The following PUS3 variants were observed in gnomAD, a reference collection of about 807,000 sequenced individuals.
PUS3 encodes the protein pseudouridine synthase 3, also known as tRNA pseudouridine(38/39) synthase.
Under a neutral mutation model 43.3 loss-of-function variants are expected in PUS3, and 36 were observed. The ratio of observed to expected loss-of-function variants is 0.83; its 90% CI spans 0.64 to 1.10. PUS3 has a LOEUF of 1.10. PUS3 is among the 50% of genes least tolerant of loss of function. The pLI, the probability that PUS3 is intolerant of heterozygous loss-of-function variation, is 0.00. For missense variants in PUS3, 544 were observed against 589.9 expected (o/e 0.92, Z 0.81); for synonymous variants, 183 against 199.2 (o/e 0.92, Z 0.69).
At chr11:125,902,505 T>C (rs1200548307) in intron 1 of PUS3, among the ~76,000 whole-genome samples, 1 of 149,938 alleles carries the variant, frequency 6.7e-6, no homozygotes. Flanking sequence ...TCCCAGCTAG[T>C]TGGAGGCTGA....
At chr11:125,896,614 A>G (rs796270904) in intron 1 of PUS3, among the ~76,000 whole-genome samples, 1 of 152,210 alleles carries the variant, frequency 6.6e-6, no homozygotes, top group South Asian at 2.1e-4. Context: ...TCATTTCTCT[A>G]TCTTCACTGA....
chr11:125,901,051 A>T (rs1343004543), intron 1 of PUS3, among the ~76,000 whole-genome samples: 1 of 152,024 alleles, frequency 6.6e-6, no homozygotes, highest in African/African-American at 2.4e-5. Context: ...CCTGCCTTTT[A>T]CATAGTCCTA....
Position 125,894,105 on chromosome 11 carries a change from A to C in PUS3, c.1126T>G (p.Cys376Gly). The change falls in exon 4 of 4, where the codon TGT (cysteine) becomes GGT (glycine). Residue 376 changes from cysteine (C) to glycine (G), a missense_variant. Physicochemically the swap from Cys to Gly is radical, Grantham distance 159. Transcript: ENST00000227474. ...CCATCCATCTTTGGTCCTATTCCAC[A>C]GGGTACTGGAACAGTGTCCAGTCCT... ...LQGLDTVPVP[C>G]GIGPKMDGMT... The C allele has an allele frequency of 6.2e-7, 1 of 1,614,120 alleles. No homozygotes were observed. The highest frequency in any genetic ancestry group is 8.5e-7 in the Non-Finnish European group (1 of 1,179,984).
intron 1 of PUS3, chr11:125,900,319 T>C: frequency 6.5e-7 from 1 of 1,542,670 alleles, no homozygotes; most frequent in Non-Finnish European, 9.0e-7. Context: ...TAGCTCTTTA[T>C]ATCTTCCCTT....
Position 125,895,674 on chromosome 11 carries a change from T to G in PUS3, c.494A>C (p.Asn165Thr). 1 of 1,614,092 alleles carries G rather than the reference T, an allele frequency of 6.2e-7. No homozygotes were observed. Among genetic ancestry groups the G allele is most frequent in the Non-Finnish European group, 8.5e-7 (1 of 1,179,960 alleles). Residue 165 changes from asparagine to threonine, a missense_variant, in exon 3 of 4, where the codon AAT becomes ACT. By Grantham distance (65) the Asn-to-Thr change is moderately conservative. Transcript: ENST00000227474. ...ACGGATGTCTGGAGGGAGTACCCGATTGAGAATGTGGGTATAACGGATCTC... is the reference window on the plus strand; with the variant it reads ...ACGGATGTCTGGAGGGAGTACCCGAGTGAGAATGTGGGTATAACGGATCTC... ...AEEIRYTHIL[N>T]RVLPPDIRIL... is the part of the protein sequence containing the mutation.
At chr11:125,899,686 A>G (rs1944702583) in intron 1 of PUS3, 1 of 1,614,112 alleles carries the variant, frequency 6.2e-7, no homozygotes, top group African/African-American at 1.3e-5. Context: ...CAGATGGGGA[A>G]GTATTAGTAA....
chr11:125,895,563 G>C lies in PUS3; in HGVS notation c.605C>G (p.Ala202Gly), dbSNP rs189235230. ...ERTYRYFFPR[A>G]DLDIVTMDYA... The stretch of plus-strand genomic sequence containing the variant: ...ATCCATGGTTACAATATCTAAATCA[G>C]CACGAGGGAAAAAATAGCGGTAAGT... Residue 202 changes from alanine (A) to glycine (G), a missense_variant, in exon 3 of 4, where the codon GCT (alanine) becomes GGT (glycine). Ala to Gly is a moderately conservative substitution (Grantham distance 60). Coordinates refer to ENST00000227474, the MANE Select transcript of PUS3 (RefSeq NM_031307.4). The C allele has an allele frequency of 5.0e-5, 80 of 1,614,180 alleles. No individual in the cohort carries two copies. The Admixed American group carries it at 1.3e-3, about 27-fold the overall frequency.
Position 125,903,175 on chromosome 11 carries a change from G to T in PUS3, c.-52C>A. 2.0e-6 allele frequency: 2 copies of T among 985,454 alleles called. No homozygotes were observed. Among genetic ancestry groups the T allele is most frequent in the Middle Eastern group, 5.2e-4 (1 of 1,914 alleles). The allele number at this position is 985,454 out of a possible 1,614,324, so 61.0% of individuals were successfully genotyped here. A position where few individuals can be genotyped will look rare whatever the true frequency, so the allele number is the denominator to read the frequency against. On this transcript the variant is annotated 5_prime_UTR_variant, in exon 1 of 4. Coordinates refer to ENST00000227474, the MANE Select transcript of PUS3 (RefSeq NM_031307.4). ...TCCAAAAATCCCACACTTACTTTCCGGCAGCCGGCCGCGCCGCGTTTCCGA... is the reference window on the plus strand; with the variant it reads ...TCCAAAAATCCCACACTTACTTTCCTGCAGCCGGCCGCGCCGCGTTTCCGA...
In PUS3 at chr11:125,895,051, C is replaced by CTT. The variant is rs11384524; in HGVS notation, c.944+171_944+172dup. Among the ~76,000 whole-genome samples the CTT allele has an allele frequency of 9.0e-3, 1,275 of 142,042 alleles. 19 individuals are homozygous for CTT. The highest frequency in any genetic ancestry group is 0.028 in the African/African-American group (1,100 of 39,128). The allele number at this position is 142,042 out of a possible 152,430, so 93.2% of individuals were successfully genotyped here. The stretch of plus-strand genomic sequence containing the variant: ...CGGTGGAGAGGAGGATATGCTATTT[C>CTT]TTTTTTTTTTTTTTTAAGACAGTCT... On this transcript the variant is annotated intron_variant, in intron 3 of 3. Coordinates refer to ENST00000227474, the MANE Select transcript of PUS3 (RefSeq NM_031307.4).
At chr11:125,900,617 A>T (rs1441312298) in intron 1 of PUS3, 1 of 286,238 alleles carries the variant, frequency 3.5e-6, no homozygotes, top group East Asian at 1.0e-4. Flanking sequence ...TGGGCATTAC[A>T]CTTACCAATT....
intron 1 of PUS3, chr11:125,900,607 T>G: frequency 3.0e-6 from 1 of 328,906 alleles, no homozygotes; most frequent in Non-Finnish European, 6.0e-6. Flanking sequence ...TTTAAGTTGC[T>G]GGGCATTACA....
At chr11:125,896,584 A>T (rs1471262021) in intron 1 of PUS3, among the ~76,000 whole-genome samples, 1 of 152,216 alleles carries the variant, frequency 6.6e-6, no homozygotes, top group Non-Finnish European at 1.5e-5. Flanking sequence ...GTCAAAATTC[A>T]GGGAGAATGT....
intron 1 of PUS3, among the ~76,000 whole-genome samples, chr11:125,901,659 G>C (rs485785): frequency 0.47 from 71,276 of 152,058 alleles, 16,833 homozygotes; most frequent in East Asian, 0.53. Context: ...CTATTTGTTA[G>C]GCATTTGTCT....
At position 125,893,702 on chromosome 11, in the gene PUS3, T is replaced by G; in HGVS notation, c.*83A>C. The G allele has an allele frequency of 8.9e-7, 1 of 1,124,388 alleles. No individual in the cohort carries two copies. The highest frequency in any genetic ancestry group is 2.0e-5 in the South Asian group (1 of 50,498). 69.7% of individuals were successfully genotyped at this position (1,124,388 alleles called of 1,614,324 possible). A position where few individuals can be genotyped will look rare whatever the true frequency, so the allele number is the denominator to read the frequency against. ...AAGAGCTGATCATCTGAATTCCTAG[T>G]ACTTGCAAGTAAATTTTTTTTTTTT... On this transcript the variant is annotated 3_prime_UTR_variant, in exon 4 of 4. Coordinates refer to ENST00000227474, the MANE Select transcript of PUS3 (RefSeq NM_031307.4).
At chr11:125,895,837 C>G in intron 2 of PUS3, 48 bp from the exon 3 acceptor site, 1 of 1,581,812 alleles carries the variant, frequency 6.3e-7, no homozygotes, top group South Asian at 1.2e-5. Flanking sequence ...CAAATAATCT[C>G]AGTACTCAGT....
chr11:125,902,385 G>T (rs969201748), intron 1 of PUS3, among the ~76,000 whole-genome samples: 5 of 149,926 alleles, frequency 3.3e-5, no homozygotes, highest in Non-Finnish European at 4.5e-5. Flanking sequence ...GCGGGGGGGA[G>T]GGGGGGTCGC....
Position 125,896,333 on chromosome 11 carries a change from GA to G in PUS3, c.-46-4del. 1.3e-6 allele frequency: 2 copies of G among 1,514,752 alleles called. No homozygotes were observed. Among genetic ancestry groups the G allele is most frequent in the South Asian group, 2.5e-5 (2 of 81,012 alleles). The allele number at this position is 1,514,752 out of a possible 1,614,324, so 93.8% of individuals were successfully genotyped here. On this transcript the variant is annotated splice_region_variant and splice_polypyrimidine_tract_variant and intron_variant, in intron 1 of 3. Transcript: ENST00000227474. ...CGAACCATACAGGTCTGCCCTGTCTGAAAAGAGAGCAAAGGGATACAACAGT... is the reference window on the plus strand; with the variant it reads ...CGAACCATACAGGTCTGCCCTGTCTGAAAGAGAGCAAAGGGATACAACAGT...
chr11:125,900,622 C>A, intron 1 of PUS3: 1 of 271,144 alleles, frequency 3.7e-6, no homozygotes, highest in Non-Finnish European at 7.6e-6. Context: ...ATTACACTTA[C>A]CAATTAAAGA....
Position 125,895,578 on chromosome 11 carries a change from T to C in PUS3, c.590A>G (p.Tyr197Cys), listed in dbSNP as rs1388530703. 16 of 1,614,168 alleles carry C rather than the reference T, an allele frequency of 9.9e-6. No individual in the cohort carries two copies. Among genetic ancestry groups the C allele is most frequent in the Non-Finnish European group, 1.3e-5 (15 of 1,180,016 alleles). Residue 197 changes from tyrosine to cysteine, a missense_variant, in exon 3 of 4, where the codon TAT becomes TGT. By Grantham distance (194) the Tyr-to-Cys change is radical. Transcript: ENST00000227474. Reference protein sequence around the residue: ...RFSCLERTYRYFFPRADLDIV... With the variant: ...RFSCLERTYRCFFPRADLDIV... ...ATCTAAATCAGCACGAGGGAAAAAA[T>C]AGCGGTAAGTCCGCTCAAGGCAGCT...
Sources: gnomAD v4.1 joint callset for allele counts (sites outside exome capture counted in the v4.1 genomes callset) on GRCh38, gnomAD v4.1.1 for gene constraint, MANE v1.5 for transcripts, NCBI Gene and HGNC (gene_info 2026-07-23, HGNC 2026-07-21) for gene names.